GRXCR1: variants seen among roughly 807,000 people sequenced by gnomAD.
GRXCR1 encodes glutaredoxin and cysteine rich domain containing 1.
A neutral mutation model predicts 27.3 loss-of-function variants in GRXCR1; 27 were observed. The observed-to-expected ratio is 0.99, with a 90% CI of 0.73 to 1.37. GRXCR1 has a LOEUF of 1.37. Among genes scored for constraint, GRXCR1 ranks in the 40% most tolerant of loss-of-function variants. The pLI is 0.00. For synonymous variants in GRXCR1, 122 were observed against 131.1 expected (o/e 0.93, Z 0.47); for missense variants, 379 against 354.4 (o/e 1.07, Z -0.56).
At position 42,917,453 on chromosome 4, in the gene GRXCR1, T is replaced by G. The variant is rs375160811; in HGVS notation, c.384+23803T>G. On this transcript the variant is annotated intron_variant, in intron 1 of 3. Transcript: ENST00000399770. ...AATGAAGGGTTGGAAAAACTGCCAGTGAAAATGCTGTATATCTGCAGCTCA... is the reference window on the plus strand; with the variant it reads ...AATGAAGGGTTGGAAAAACTGCCAGGGAAAATGCTGTATATCTGCAGCTCA... Among the ~76,000 whole-genome samples the G allele has an allele frequency of 4.3e-4, 65 of 152,262 alleles. 2 individuals carry two copies. The South Asian group carries it at 9.8e-3, about 23-fold the overall frequency.
At chr4:43,001,184 C>G (rs373797900) in intron 2 of GRXCR1, among the ~76,000 whole-genome samples, 11 of 151,628 alleles carry the variant, frequency 7.3e-5, no homozygotes, top group African/African-American at 2.7e-4. Context: ...GTAACACTGT[C>G]CATTTTTCCC....
At chr4:42,979,917 T>C (rs746399942) in intron 2 of GRXCR1, among the ~76,000 whole-genome samples, 13 of 152,042 alleles carry the variant, frequency 8.6e-5, no homozygotes, top group Non-Finnish European at 1.6e-4. Context: ...CAGGAATTCA[T>C]TCATTTCTTC....
intron 1 of GRXCR1, among the ~76,000 whole-genome samples, chr4:42,933,328 G>A (rs983029637): frequency 2.0e-5 from 3 of 151,894 alleles, no homozygotes; most frequent in African/African-American, 7.2e-5. Flanking sequence ...CCGCTAGCTG[G>A]AGAACAGCTG....
intron 2 of GRXCR1, among the ~76,000 whole-genome samples, chr4:42,985,664 A>T (rs1711691873): frequency 6.6e-6 from 1 of 151,932 alleles, no homozygotes; most frequent in South Asian, 2.1e-4. Flanking sequence ...AAATAGAAGA[A>T]ATCATTTGTG....
Position 43,016,156 on chromosome 4 carries a change from A to G in GRXCR1, c.628-4198A>G, listed in dbSNP as rs183186839. Among the ~76,000 whole-genome samples, 232 of 152,322 alleles carry G rather than the reference A, an allele frequency of 1.5e-3. 1 individual carries two copies. The highest frequency in any genetic ancestry group is 7.9e-3 in the South Asian group (38 of 4,828). ...TTCTTTAGCTTATTGTGTAAAATAG[A>G]TTGCTTATGCCATGGCATGCTGTCT... On this transcript the variant is annotated intron_variant, in intron 2 of 3. Transcript: ENST00000399770.
rs564496332 is a variant in GRXCR1, at chr4:42,904,398, G to A, written c.384+10748G>A. 9.9e-5 allele frequency among the ~76,000 whole-genome samples: 15 copies of A among 152,214 alleles called. No homozygotes were observed. In the South Asian group the frequency reaches 3.1e-3, roughly 32 times the overall value. On this transcript the variant is annotated intron_variant, in intron 1 of 3. Transcript: ENST00000399770. ...AGAAATCAAAGCCCCCCTTTTCTTT[G>A]TGAGAGAAAGAAGAGAAAAATACCT...
At chr4:43,010,945 A>G (rs1712731143) in intron 2 of GRXCR1, among the ~76,000 whole-genome samples, 1 of 152,056 alleles carries the variant, frequency 6.6e-6, no homozygotes, top group Non-Finnish European at 1.5e-5. Flanking sequence ...TTGAAAAGTG[A>G]GGTTTTGAGG....
intron 2 of GRXCR1, among the ~76,000 whole-genome samples, chr4:42,966,234 G>A (rs116570245): frequency 6.6e-6 from 1 of 151,956 alleles, no homozygotes; most frequent in Non-Finnish European, 1.5e-5. Flanking sequence ...AGAAATGCCA[G>A]TGGGAAATAA....
At chr4:42,946,835 T>A (rs1356121657) in intron 1 of GRXCR1, among the ~76,000 whole-genome samples, 2 of 152,180 alleles carry the variant, frequency 1.3e-5, no homozygotes, top group African/African-American at 4.8e-5. Context: ...ACACAGTCAT[T>A]TAGACCAAAG....
chr4:42,919,845 T>G (rs570764993), intron 1 of GRXCR1, among the ~76,000 whole-genome samples: 1 of 152,306 alleles, frequency 6.6e-6, no homozygotes, highest in Non-Finnish European at 1.5e-5. Context: ...TTCTTCATCA[T>G]TTATATTATT....
chr4:43,006,277 A>ATT (rs1460134612), intron 2 of GRXCR1, among the ~76,000 whole-genome samples: 95 of 152,354 alleles, frequency 6.2e-4, no homozygotes, highest in African/African-American at 1.9e-3. Context: ...TGAAAAAAGA[A>ATT]CAGGATAAGA....
At chr4:43,019,131 A>T (rs1018561301) in intron 2 of GRXCR1, among the ~76,000 whole-genome samples, 3 of 152,204 alleles carry the variant, frequency 2.0e-5, no homozygotes, top group Non-Finnish European at 4.4e-5. Context: ...TTTGAGGTCC[A>T]GATCAAATGC....
At chr4:42,927,073 A>T (rs768882270) in intron 1 of GRXCR1, among the ~76,000 whole-genome samples, 2 of 151,998 alleles carry the variant, frequency 1.3e-5, no homozygotes, top group African/African-American at 2.4e-5. Flanking sequence ...CCCATATGCC[A>T]CCATTGACAT....
rs374000518 is a variant in GRXCR1 at position 42,933,521 on chromosome 4, C to T, written c.385-29371C>T. Among the ~76,000 whole-genome samples, 3 of 152,090 alleles carry T rather than the reference C, an allele frequency of 2.0e-5. No homozygotes were observed. In the East Asian group the frequency reaches 5.9e-4, roughly 30 times the overall value. ...CCCTTTTCCCTCTTCTTTTTCCTCACTGCTATTGACTAAATCAGTATCTTC... is the reference window on the plus strand; with the variant it reads ...CCCTTTTCCCTCTTCTTTTTCCTCATTGCTATTGACTAAATCAGTATCTTC... On this transcript the variant is annotated intron_variant, in intron 1 of 3. Coordinates refer to ENST00000399770, the MANE Select transcript of GRXCR1 (RefSeq NM_001080476.3).
chr4:42,930,604 C>CT lies in GRXCR1; in HGVS notation c.385-32282dup, dbSNP rs552578993. ...GAGACTAATGGCTAAAATAGAGACT[C>CT]TTTTTTAAAAAGTATTGGTTTTCTT... On this transcript the variant is annotated intron_variant, in intron 1 of 3. Transcript: ENST00000399770. Among the ~76,000 whole-genome samples the CT allele has an allele frequency of 7.0e-3, 1,070 of 151,992 alleles. 8 individuals carry two copies. The highest frequency in any genetic ancestry group is 0.025 in the African/African-American group (1,029 of 41,488).
intron 1 of GRXCR1, among the ~76,000 whole-genome samples, chr4:42,936,066 G>T (rs1319653560): frequency 1.3e-5 from 2 of 151,878 alleles, no homozygotes; most frequent in Non-Finnish European, 2.9e-5. Context: ...TACCAGCTAT[G>T]CTCTGGAGAC....
At chr4:42,959,019 G>T (rs1371834238) in intron 1 of GRXCR1, among the ~76,000 whole-genome samples, 1 of 151,820 alleles carries the variant, frequency 6.6e-6, no homozygotes, top group African/African-American at 2.4e-5. Context: ...TATTCCTAAA[G>T]AAATGAAAAA....
Position 43,029,819 on chromosome 4 carries a change from A to G in GRXCR1, c.694-542A>G, listed in dbSNP as rs553243943. 1.8e-4 allele frequency among the ~76,000 whole-genome samples: 27 copies of G among 152,344 alleles called. No homozygotes were observed. In the South Asian group the frequency reaches 5.6e-3, roughly 32 times the overall value. On this transcript the variant is annotated intron_variant, in intron 3 of 3. Transcript: ENST00000399770. ...ACTTGTTAGGGTGGGTGAAGATTCT[A>G]TACAAAAATGCATTTCAAAGTGCTT...
At chr4:42,923,097 C>A (rs1747058227) in intron 1 of GRXCR1, among the ~76,000 whole-genome samples, 1 of 152,210 alleles carries the variant, frequency 6.6e-6, no homozygotes, top group African/African-American at 2.4e-5. Flanking sequence ...ATGAATGATT[C>A]TCTTGGACTT....
Sources: gnomAD v4.1 joint callset for allele counts (sites outside exome capture counted in the v4.1 genomes callset) on GRCh38, gnomAD v4.1.1 for gene constraint, MANE v1.5 for transcripts, NCBI Gene and HGNC (gene_info 2026-07-23, HGNC 2026-07-21) for gene names.